The following RBM39 variants were observed in gnomAD, a reference collection of about 807,000 sequenced individuals.
RBM39 encodes the protein RNA-binding protein 39.
A neutral mutation model predicts 79.6 loss-of-function variants in RBM39; 12 were observed. The observed-to-expected ratio is 0.15, with a 90% CI of 0.10 to 0.24. The LOEUF (loss-of-function observed/expected upper bound fraction) is 0.24, where lower values mean the gene tolerates loss of function less well. RBM39 is among the 10% of genes least tolerant of loss of function. RBM39 has a pLI of 1.00. For synonymous variants in RBM39, 185 were observed against 208.4 expected (o/e 0.89, Z 0.97); for missense variants, 243 against 653.4 (o/e 0.37, Z 6.85).
chr20:35,724,924 T>G (rs540147615), intron 7 of RBM39, 114 bp downstream of exon 7: 1 of 1,013,906 alleles, frequency 9.9e-7, no homozygotes, highest in African/African-American at 1.6e-5. Flanking sequence ...AGAGGCAAAA[T>G]GGAAACATTA....
intron 12 of RBM39, among the ~76,000 whole-genome samples, chr20:35,712,160 A>C (rs59079457): frequency 6.6e-6 from 1 of 152,122 alleles, no homozygotes; most frequent in Non-Finnish European, 1.5e-5. Context: ...GGGTCAATGT[A>C]AAAGTTACAG....
chr20:35,736,558 A>T (rs565913525), intron 3 of RBM39: 4 of 470,872 alleles, frequency 8.5e-6, no homozygotes, highest in African/African-American at 8.0e-5. Context: ...ACTATGAAGC[A>T]TTTAGGGATC....
chr20:35,721,945 G>A (rs1461945279), intron 8 of RBM39, 68 bp from the exon 9 acceptor site: 2 of 1,509,608 alleles, frequency 1.3e-6, no homozygotes, highest in Non-Finnish European at 1.8e-6. Flanking sequence ...CCTTCCATTT[G>A]CATAACAACT....
At chr20:35,739,603 G>C in intron 2 of RBM39, 1 of 457,852 alleles carries the variant, frequency 2.2e-6, no homozygotes, top group East Asian at 7.1e-5. Context: ...AAGAACCCAA[G>C]AAAGTCAATT....
intron 3 of RBM39, among the ~76,000 whole-genome samples, chr20:35,738,186 T>C (rs552976039): frequency 6.6e-6 from 1 of 151,070 alleles, no homozygotes; most frequent in African/African-American, 2.4e-5. Flanking sequence ...AAGAATCACT[T>C]GAACCCAGGA....
At chr20:35,735,261 AAAT>A (rs1230861777) in intron 3 of RBM39, among the ~76,000 whole-genome samples, 1 of 152,208 alleles carries the variant, frequency 6.6e-6, no homozygotes, top group African/African-American at 2.4e-5. Context: ...TTACTTTAAC[AAAT>A]AATATTCCCA....
chr20:35,718,310 T>C (rs1253421120), intron 9 of RBM39, among the ~76,000 whole-genome samples: 1 of 150,514 alleles, frequency 6.6e-6, no homozygotes, highest in Non-Finnish European at 1.5e-5. Context: ...GGGCTGCCTC[T>C]AGAAAAGGAG....
At chr20:35,713,281 G>C in intron 11 of RBM39, 185 bp from the exon 12 acceptor site, 1 of 490,866 alleles carries the variant, frequency 2.0e-6, no homozygotes, top group East Asian at 3.3e-5. Flanking sequence ...AAATCCCAGA[G>C]ATCGAGACCA....
At position 35,742,212 on chromosome 20, in the gene RBM39, C is replaced by T. The variant is rs2040627139; in HGVS notation, c.-285G>A. The T allele has an allele frequency of 6.3e-6, 1 of 157,666 alleles. No homozygotes were observed. Among genetic ancestry groups the T allele is most frequent in the Non-Finnish European group, 1.4e-5 (1 of 70,824 alleles). The allele number at this position is 157,666 out of a possible 1,614,324, so 9.8% of individuals were successfully genotyped here. A position where few individuals can be genotyped will look rare whatever the true frequency, so the allele number is the denominator to read the frequency against. The stretch of plus-strand genomic sequence containing the variant: ...CCCTGCGACAGCGTCGACAAGCTCC[C>T]TGAAATGGCGGCCGCTGCTTCCCTG... On this transcript the variant is annotated 5_prime_UTR_variant, in exon 1 of 17. Transcript: ENST00000253363.
At position 35,729,445 on chromosome 20, in the gene RBM39, G is replaced by A. The variant is rs748340817; in HGVS notation, c.362+17C>T. On this transcript the variant is annotated intron_variant, in intron 5 of 16. Transcript: ENST00000253363. ...CTTGAAAAACAATTTAAACAATTCA[G>A]AAGTATGTTTAAAAACCTTAATTTG... 2 of 1,611,846 alleles carry A rather than the reference G, an allele frequency of 1.2e-6. No homozygotes were observed. The highest frequency in any genetic ancestry group is 1.3e-5 in the African/African-American group (1 of 74,826).
intron 12 of RBM39, among the ~76,000 whole-genome samples, chr20:35,711,154 C>T (rs1462617130): frequency 6.6e-6 from 1 of 152,090 alleles, no homozygotes; most frequent in Non-Finnish European, 1.5e-5. Context: ...ATAAATGACC[C>T]CTTTGTCACT....
intron 12 of RBM39, among the ~76,000 whole-genome samples, chr20:35,711,474 C>CAA (rs1319537774): frequency 1.3e-5 from 2 of 152,170 alleles, no homozygotes; most frequent in Non-Finnish European, 2.9e-5. Flanking sequence ...GAGGAGGGAT[C>CAA]AAATGACTGT....
intron 13 of RBM39, 95 bp from the exon 14 acceptor site, chr20:35,707,296 A>C: frequency 1.5e-6 from 1 of 667,916 alleles, no homozygotes; most frequent in Non-Finnish European, 2.5e-6. Flanking sequence ...CACCCCAAGC[A>C]TGTAACTAGG....
intron 12 of RBM39, among the ~76,000 whole-genome samples, chr20:35,711,131 A>G (rs775182700): frequency 3.9e-5 from 6 of 152,220 alleles, no homozygotes; most frequent in Non-Finnish European, 4.4e-5. Flanking sequence ...TCCAGGGTGT[A>G]AGAAAATTGT....
chr20:35,707,312 A>G (rs1600379767), intron 13 of RBM39, 111 bp from the exon 14 acceptor site: 2 of 569,168 alleles, frequency 3.5e-6, no homozygotes, highest in East Asian at 6.6e-5. Flanking sequence ...CTAGGATGTC[A>G]CTGGAGTTAT....
intron 12 of RBM39, chr20:35,710,481 T>A (rs929388076): frequency 7.2e-5 from 11 of 152,140 alleles, no homozygotes; most frequent in Non-Finnish European, 1.5e-5. Context: ...ACCAACCCAA[T>A]CATAATTTCA....
rs536165016 is a variant in RBM39 at position 35,726,132 on chromosome 20, T to A, written c.417-977A>T. ...TTACCATCTCAAAAAAAGTAATTTT[T>A]CTTTTCTTTTTTTGTTTTTGAGATG... On this transcript the variant is annotated intron_variant, in intron 6 of 16. Coordinates refer to ENST00000253363, the MANE Select transcript of RBM39 (RefSeq NM_184234.3). Among the ~76,000 whole-genome samples, 5 of 152,266 alleles carry A rather than the reference T, an allele frequency of 3.3e-5. No individual in the cohort carries two copies. In the South Asian group the frequency reaches 1.0e-3, roughly 32 times the overall value.
chr20:35,715,034 CCAGT>C (rs1417533417), intron 10 of RBM39, among the ~76,000 whole-genome samples: 2 of 152,112 alleles, frequency 1.3e-5, no homozygotes, highest in Non-Finnish European at 2.9e-5. Flanking sequence ...AGCCTAATGA[CCAGT>C]AAGTTAAACA....
intron 9 of RBM39, among the ~76,000 whole-genome samples, chr20:35,719,580 G>C (rs529140162): frequency 1.5e-4 from 23 of 151,852 alleles, no homozygotes; most frequent in Non-Finnish European, 1.3e-4. Flanking sequence ...AGGAGGCTGA[G>C]GCAGGAGAAT....
Sources: allele counts gnomAD v4.1 joint callset (sites outside exome capture counted in the v4.1 genomes callset), GRCh38; gene constraint gnomAD v4.1.1; transcripts MANE v1.5; gene names NCBI Gene and HGNC (gene_info 2026-07-23, HGNC 2026-07-21).